The following MLIP variants were observed in gnomAD, a reference collection of about 807,000 sequenced individuals.
MLIP encodes muscular LMNA-interacting protein.
In MLIP, 79 loss-of-function variants were observed where a neutral mutation model predicts 84.8. The observed-to-expected ratio is 0.93, with a 90% CI of 0.78 to 1.12. MLIP has a LOEUF of 1.12. Ranked by LOEUF, MLIP falls within the 50% of genes most tolerant of loss-of-function variation. MLIP has a pLI of 0.00. For synonymous variants in MLIP, 504 were observed against 463.0 expected, an observed-to-expected ratio of 1.09 and a Z score of -1.14; for missense variants, 1,257 against 1,160.6, an observed-to-expected ratio of 1.08 and a Z score of -1.21.
chr6:54,205,927 C>G (rs1285985823), intron 11 of MLIP, among the ~76,000 whole-genome samples: 1 of 152,130 alleles, frequency 6.6e-6, no homozygotes, highest in Admixed American at 6.5e-5. Context: ...TGTCCTCACA[C>G]TTTGCCATAA....
intron 4 of MLIP, among the ~76,000 whole-genome samples, chr6:54,141,640 T>C (rs892234985): frequency 1.4e-5 from 2 of 146,350 alleles, no homozygotes; most frequent in Non-Finnish European, 2.9e-5. Flanking sequence ...TGTCTGAGAC[T>C]TTTTTTTCCC....
At position 54,121,495 on chromosome 6, in the gene MLIP, C is replaced by G. The variant is rs1183743086; in HGVS notation, c.145C>G (p.Pro49Ala). 6.2e-7 allele frequency: 1 copy of G among 1,613,910 alleles called. No individual in the cohort carries two copies. The highest frequency in any genetic ancestry group is 8.5e-7 in the Non-Finnish European group (1 of 1,180,002). The change falls in exon 2 of 14, where the codon CCC (proline) becomes GCC (alanine). Residue 49 changes from proline (P) to alanine (A), a missense_variant. By Grantham distance (27) the Pro-to-Ala change is conservative. Transcript: ENST00000502396. ...CAAACCTCTGATCTTCACATTTGTC[C>G]CCACTGTCAGAAGACTACCAACCCA... ...EAKPLIFTFV[P>A]TVRRLPTHTQ...
intron 9 of MLIP, among the ~76,000 whole-genome samples, chr6:54,175,653 TAG>T (rs529714965): frequency 3.3e-3 from 497 of 152,054 alleles, no homozygotes; most frequent in Non-Finnish European, 5.5e-3. Context: ...TTTGGTGGAG[TAG>T]TTAGGTTTTT....
At chr6:54,255,552 A>C (rs2150889396) in intron 12 of MLIP, among the ~76,000 whole-genome samples, 1 of 152,316 alleles carries the variant, frequency 6.6e-6, no homozygotes, top group Non-Finnish European at 1.5e-5. Context: ...GCCAAAGCTA[A>C]ATATAAATGA....
At chr6:54,223,109 T>A (rs1173198365) in intron 11 of MLIP, among the ~76,000 whole-genome samples, 1 of 152,012 alleles carries the variant, frequency 6.6e-6, no homozygotes, top group South Asian at 2.1e-4. Context: ...TATGAGGTTT[T>A]TTTCAAATAC....
intron 8 of MLIP, among the ~76,000 whole-genome samples, chr6:54,165,653 AC>A (rs1775103767): frequency 6.6e-6 from 1 of 151,974 alleles, no homozygotes; most frequent in Non-Finnish European, 1.5e-5. Context: ...TCAAGAAAGA[AC>A]TTTTTGTTTT....
chr6:54,027,341 T>G (rs1223315812), intron 1 of MLIP, among the ~76,000 whole-genome samples: 2 of 148,608 alleles, frequency 1.3e-5, no homozygotes, highest in East Asian at 3.9e-4. Context: ...TAAAATAAAG[T>G]GGATGCTATG....
intron 9 of MLIP, among the ~76,000 whole-genome samples, chr6:54,183,229 G>C (rs1313345913): frequency 6.6e-6 from 1 of 152,194 alleles, no homozygotes; most frequent in Non-Finnish European, 1.5e-5. Context: ...CTTAGGACGA[G>C]AGGTGAATTA....
rs1326217894 is a variant in MLIP, at chr6:54,199,781, G to T, written c.2590-2324G>T. Among the ~76,000 whole-genome samples the T allele has an allele frequency of 2.0e-5, 3 of 151,998 alleles. No individual in the cohort carries two copies. In the East Asian group the frequency reaches 5.8e-4, roughly 29 times the overall value. On this transcript the variant is annotated intron_variant, in intron 10 of 13. Coordinates refer to ENST00000502396, the MANE Select transcript of MLIP (RefSeq NM_001281747.2). ...CATATCTATGAAGTATTGACTACTG[G>T]GTAACAACAAATTAAGGTTGTTGGA... is the stretch of plus-strand genomic sequence containing the variant.
At chr6:54,248,401 G>C (rs1165638851) in intron 12 of MLIP, among the ~76,000 whole-genome samples, 2 of 152,126 alleles carry the variant, frequency 1.3e-5, no homozygotes, top group Non-Finnish European at 2.9e-5. Context: ...AACTGAAATG[G>C]TGTTAGAATA....
At position 54,138,147 on chromosome 6, in the gene MLIP, G is replaced by GT; in HGVS notation, c.2078_2079insT (p.Lys694GlufsTer3). On this transcript the variant is annotated frameshift_variant, in exon 4 of 14. Coordinates refer to ENST00000502396, the MANE Select transcript of MLIP (RefSeq NM_001281747.2). LOFTEE classifies it high-confidence loss of function. ...AGTGGTACCTTGCCTTCAAGACTTG[G>GT]GAAATCTGAAAGCACCACCCCCAAC... The GT allele has an allele frequency of 6.5e-7, 1 of 1,536,016 alleles. No individual in the cohort carries two copies. The highest frequency in any genetic ancestry group is 8.7e-7 in the Non-Finnish European group (1 of 1,146,868).
In MLIP at chr6:54,230,901, A is replaced by G; in HGVS notation, c.2906A>G (p.His969Arg). 1.9e-6 allele frequency: 3 copies of G among 1,614,020 alleles called. No individual in the cohort carries two copies. The South Asian group carries it at 3.3e-5, about 18-fold the overall frequency. ...EQENSHTLLS[H>R]NACNKLSHPM... is the part of the protein sequence containing the mutation. The stretch of plus-strand genomic sequence containing the variant: ...GAGAATTCTCACACCCTCCTCAGTC[A>G]CAACGCATGCAACAAGGTGAGAACT... The change falls in exon 12 of 14, where the codon CAC becomes CGC. Residue 969 changes from histidine (H) to arginine (R), a missense_variant. Physicochemically the swap from His to Arg is conservative, Grantham distance 29. Transcript: ENST00000502396.
chr6:54,263,797 T>A (rs1051638359), intron 13 of MLIP, among the ~76,000 whole-genome samples: 2 of 152,122 alleles, frequency 1.3e-5, no homozygotes, highest in Admixed American at 1.3e-4. Flanking sequence ...CTTTCTTGCT[T>A]GTATTTTCTT....
chr6:54,050,311 A>G (rs1322540024), intron 1 of MLIP, among the ~76,000 whole-genome samples: 1 of 152,132 alleles, frequency 6.6e-6, no homozygotes, highest in African/African-American at 2.4e-5. Context: ...TTACCTTACC[A>G]TCTGCCAATA....
chr6:54,246,544 A>T (rs920087207), intron 12 of MLIP, among the ~76,000 whole-genome samples: 1 of 151,860 alleles, frequency 6.6e-6, no homozygotes, highest in Non-Finnish European at 1.5e-5. Flanking sequence ...CTTGTTGTCC[A>T]GATATTTTCT....
intron 9 of MLIP, among the ~76,000 whole-genome samples, chr6:54,187,853 A>G (rs963597020): frequency 1.3e-5 from 2 of 152,108 alleles, no homozygotes; most frequent in Non-Finnish European, 2.9e-5. Flanking sequence ...AAAAAATACA[A>G]AAAATTAGCC....
chr6:54,117,994 CAAA>C (rs1033678441), intron 1 of MLIP, among the ~76,000 whole-genome samples: 6 of 144,920 alleles, frequency 4.1e-5, no homozygotes, highest in African/African-American at 1.6e-4. Context: ...ACAACAACAA[CAAA>C]AATCATTGAT....
At chr6:54,265,354 T>C (rs966629970) in intron 13 of MLIP, among the ~76,000 whole-genome samples, 1 of 152,098 alleles carries the variant, frequency 6.6e-6, no homozygotes, top group Non-Finnish European at 1.5e-5. Context: ...AACCCTATCA[T>C]ATAGGAACAG....
chr6:54,019,225 A>T (rs1763365984), intron 1 of MLIP: 7 of 817,944 alleles, frequency 8.6e-6, no homozygotes, highest in South Asian at 8.0e-5. Flanking sequence ...TTTAAAATTA[A>T]TGAGTTCCAT....
Sources: gnomAD v4.1 joint callset for allele counts (sites outside exome capture counted in the v4.1 genomes callset) on GRCh38, gnomAD v4.1.1 for gene constraint, MANE v1.5 for transcripts, NCBI Gene and HGNC (gene_info 2026-07-23, HGNC 2026-07-21) for gene names.